Variants in OR1J2 observed in about 807,000 individuals in gnomAD.
The protein encoded by OR1J2 is olfactory receptor family 1 subfamily J member 2, also known as olfactory receptor 1J2.
For missense variants in OR1J2, 304 were observed against 246.1 expected (o/e 1.24, Z -1.57); for synonymous variants, 142 against 99.7 (o/e 1.42, Z -2.52).
At chr9:122,453,578 T>C in the OR1J2 span, among the ~76,000 whole-genome samples, 1 of 152,220 alleles carries the variant, frequency 6.6e-6, no homozygotes, top group Non-Finnish European at 1.5e-5. Context: ...GTTATCATAC[T>C]CAGTTCCCAG....
chr9:122,470,216 G>A, the OR1J2 span, among the ~76,000 whole-genome samples: 1 of 152,196 alleles, frequency 6.6e-6, no homozygotes, highest in Non-Finnish European at 1.5e-5. Flanking sequence ...TTTGTGGGCA[G>A]GGCCCAGGGT....
At chr9:122,544,018 T>TGGC in the OR1J2 span, among the ~76,000 whole-genome samples, 1,506 of 152,316 alleles carry the variant, frequency 9.9e-3, 28 homozygotes, top group African/African-American at 0.035. Context: ...TAAAATGAGG[T>TGGC]GGCAGCTATT....
At chr9:122,552,828 A>C in the OR1J2 span, among the ~76,000 whole-genome samples, 78,235 of 148,506 alleles carry the variant, frequency 0.53, 20,838 homozygotes, top group East Asian at 0.66. Context: ...GATGGAGATC[A>C]TGCATCTTCT....
chr9:122,448,795 G>A, the OR1J2 span: 1 of 152,066 alleles, frequency 6.6e-6, no homozygotes, highest in African/African-American at 2.4e-5. Flanking sequence ...TCAAAGTTGG[G>A]GCAAAGTTAC....
the OR1J2 span, among the ~76,000 whole-genome samples, chr9:122,449,128 C>A: frequency 9.9e-5 from 15 of 152,190 alleles, no homozygotes; most frequent in Non-Finnish European, 1.5e-4. Context: ...CCCAGCACCA[C>A]AATTTATATA....
chr9:122,528,890 T>C, the OR1J2 span, among the ~76,000 whole-genome samples: 16 of 152,232 alleles, frequency 1.1e-4, no homozygotes, highest in Non-Finnish European at 2.1e-4. Context: ...ACAGGTGTTC[T>C]TTTTAAAAAT....
chr9:122,553,759 A>G, the OR1J2 span: 3 of 1,613,888 alleles, frequency 1.9e-6, no homozygotes, highest in Non-Finnish European at 2.5e-6. Context: ...TTCTATTGTG[A>G]TCCTAGTGCT....
the OR1J2 span, among the ~76,000 whole-genome samples, chr9:122,564,640 C>G: frequency 6.6e-6 from 1 of 152,194 alleles, no homozygotes; most frequent in African/African-American, 2.4e-5. Flanking sequence ...TTATCATAAG[C>G]TTCACCAAGC....
chr9:122,553,842 A>G, the OR1J2 span: 1 of 1,613,634 alleles, frequency 6.2e-7, no homozygotes, highest in East Asian at 2.2e-5. Flanking sequence ...GCTGTTCCTC[A>G]CTGTTCCCCT....
the OR1J2 span, chr9:122,477,054 A>C: frequency 6.8e-6 from 11 of 1,613,950 alleles, no homozygotes; most frequent in Non-Finnish European, 9.3e-6. Context: ...TATTTCTCAG[A>C]CTGTAAATGA....
chr9:122,516,892 C>G, the OR1J2 span, among the ~76,000 whole-genome samples: 6 of 152,080 alleles, frequency 3.9e-5, no homozygotes, highest in Non-Finnish European at 8.8e-5. Context: ...CATCAGGTCA[C>G]GATCTCATGA....
chr9:122,485,672 C>CTA, the OR1J2 span, among the ~76,000 whole-genome samples: 12 of 152,214 alleles, frequency 7.9e-5, no homozygotes. Context: ...GGCCAACACT[C>CTA]TAACTCAGAT....
the OR1J2 span, among the ~76,000 whole-genome samples, chr9:122,482,649 A>G: frequency 5.3e-5 from 8 of 152,216 alleles, no homozygotes; most frequent in African/African-American, 1.9e-4. Flanking sequence ...AAGAAAATGT[A>G]TATATACACA....
chr9:122,578,586 G>GAT, the OR1J2 span: 1 of 151,854 alleles, frequency 6.6e-6, no homozygotes, highest in African/African-American at 2.4e-5. Flanking sequence ...TAAAGAAATC[G>GAT]TGATATATAC....
chr9:122,510,472 C>T (rs1166197997), upstream of OR1J2, among the ~76,000 whole-genome samples: 1 of 150,856 alleles, frequency 6.6e-6, no homozygotes, highest in Non-Finnish European at 1.5e-5. Flanking sequence ...TTAAATTTTG[C>T]ACTTTCTGAA....
downstream of OR1J2, among the ~76,000 whole-genome samples, chr9:122,516,340 G>T: frequency 8.3e-6 from 1 of 121,134 alleles, no homozygotes; most frequent in South Asian, 2.8e-4. Context: ...GTCTCGCTCT[G>T]TCGCCCAGGC....
the OR1J2 span, among the ~76,000 whole-genome samples, chr9:122,525,702 T>C: frequency 6.6e-6 from 1 of 152,150 alleles, no homozygotes; most frequent in Non-Finnish European, 1.5e-5. Context: ...CACAAGGAGC[T>C]TTAACCCCCT....
the OR1J2 span, among the ~76,000 whole-genome samples, chr9:122,502,435 A>G: frequency 1.3e-5 from 2 of 152,212 alleles, no homozygotes; most frequent in Admixed American, 1.3e-4. Flanking sequence ...TACTTTGTTC[A>G]TTAGAACACG....
the OR1J2 span, chr9:122,477,851 C>T: frequency 4.9e-5 from 79 of 1,613,898 alleles, no homozygotes; most frequent in South Asian, 4.4e-4. Flanking sequence ...GCGAAGAACA[C>T]GGCCTGCTGC....
Sources: allele counts gnomAD v4.1 joint callset (sites outside exome capture counted in the v4.1 genomes callset), GRCh38; gene constraint gnomAD v4.1.1; transcripts MANE v1.5; gene names NCBI Gene and HGNC (gene_info 2026-07-23, HGNC 2026-07-21).